Variants in CHN1 observed in about 807,000 individuals in gnomAD.
CHN1 encodes N-chimaerin.
In CHN1, 37 loss-of-function variants were observed where a neutral mutation model predicts 59.5. The observed-to-expected ratio is 0.62, with a 90% confidence interval of 0.48 to 0.82. The LOEUF (loss-of-function observed/expected upper bound fraction) is 0.82, where lower values mean the gene tolerates loss of function less well. Ranked by LOEUF, CHN1 falls within the 40% of genes least tolerant of loss-of-function variation. CHN1 has a pLI of 0.00. For missense variants in CHN1, 469 were observed against 571.0 expected, an observed-to-expected ratio of 0.82 and a Z score of 1.82; for synonymous variants, 206 against 200.4, an observed-to-expected ratio of 1.03 and a Z score of -0.24.
chr2:174,859,329 T>C (rs1204408231), intron 6 of CHN1, among the ~76,000 whole-genome samples: 2 of 152,104 alleles, frequency 1.3e-5, no homozygotes, highest in Non-Finnish European at 2.9e-5. Flanking sequence ...CCTTGACAAC[T>C]AGCAGGGAAA....
chr2:174,971,092 G>A (rs1690743192), intron 1 of CHN1, among the ~76,000 whole-genome samples: 1 of 152,202 alleles, frequency 6.6e-6, no homozygotes, highest in African/African-American at 2.4e-5. Context: ...GCTGAGGTGG[G>A]TGGATCACAA....
At chr2:174,918,782 T>C (rs1173904085) in intron 3 of CHN1, among the ~76,000 whole-genome samples, 6 of 152,242 alleles carry the variant, frequency 3.9e-5, no homozygotes, top group Non-Finnish European at 8.8e-5. Context: ...ATGCTATGTA[T>C]GTAGTTGGAC....
intron 5 of CHN1, among the ~76,000 whole-genome samples, chr2:174,909,500 C>T (rs1015531269): frequency 2.0e-5 from 3 of 152,176 alleles, no homozygotes; most frequent in Admixed American, 1.3e-4. Flanking sequence ...GGAAAGGATG[C>T]ATACTGCAAG....
chr2:174,829,007 T>C (rs565417037), intron 7 of CHN1, among the ~76,000 whole-genome samples: 1 of 152,350 alleles, frequency 6.6e-6, no homozygotes, highest in East Asian at 1.9e-4. Context: ...ATATTTTTTC[T>C]AGGCCACCTC....
chr2:174,996,984 C>T (rs945868278), intron 1 of CHN1, among the ~76,000 whole-genome samples: 2 of 152,168 alleles, frequency 1.3e-5, no homozygotes, highest in African/African-American at 4.8e-5. Context: ...TAACCCCTTA[C>T]CCCTCACTCT....
intron 7 of CHN1, among the ~76,000 whole-genome samples, chr2:174,831,066 C>T (rs1685864071): frequency 6.6e-6 from 1 of 152,086 alleles, no homozygotes; most frequent in African/African-American, 2.4e-5. Flanking sequence ...TATGATCATA[C>T]TATAACAATA....
intron 3 of CHN1, chr2:174,921,067 C>T: frequency 2.6e-6 from 1 of 391,814 alleles, no homozygotes; most frequent in Admixed American, 2.4e-5. Context: ...AGAGCTCAGG[C>T]AATAATGTGG....
chr2:174,946,013 CTG>C (rs1182765084), intron 2 of CHN1, among the ~76,000 whole-genome samples: 2 of 151,880 alleles, frequency 1.3e-5, no homozygotes, highest in Non-Finnish European at 2.9e-5. Flanking sequence ...ATACACGTAA[CTG>C]TGAGTACTTC....
rs931114444 is a variant in CHN1 at position 174,890,831 on chromosome 2, C to T, written c.261-12703G>A. Among the ~76,000 whole-genome samples the T allele has an allele frequency of 3.3e-5, 5 of 152,050 alleles. No individual in the cohort carries two copies. The South Asian group carries it at 1.0e-3, about 32-fold the overall frequency. On this transcript the variant is annotated intron_variant, in intron 5 of 12. Transcript: ENST00000409900. ...TCTCCAGGTTAGATCATGTGTTAGG[C>T]CTCAAAACAAGTCTTAAAAAATTTA...
At chr2:174,911,512 C>T (rs1212811832) in intron 5 of CHN1, among the ~76,000 whole-genome samples, 1 of 152,088 alleles carries the variant, frequency 6.6e-6, no homozygotes, top group Non-Finnish European at 1.5e-5. Flanking sequence ...ATCATTTTTC[C>T]TAAGTCAAGA....
Position 174,868,417 on chromosome 2 carries a change from T to C in CHN1, c.549+9423A>G, listed in dbSNP as rs555164518. Among the ~76,000 whole-genome samples, 58 of 152,204 alleles carry C rather than the reference T, an allele frequency of 3.8e-4. 1 individual carries two copies. The South Asian group carries it at 4.4e-3, about 11-fold the overall frequency. On this transcript the variant is annotated intron_variant, in intron 6 of 12. Coordinates refer to ENST00000409900, the MANE Select transcript of CHN1 (RefSeq NM_001822.7). ...AATAAACCATGCAGAGTTCTAAAGA[T>C]AGGTCACAAGAAGAGACTGCTGAGC...
At chr2:174,927,157 A>G (rs1409043792) in intron 3 of CHN1, among the ~76,000 whole-genome samples, 5 of 151,730 alleles carry the variant, frequency 3.3e-5, no homozygotes, top group African/African-American at 1.2e-4. Context: ...AAAGGCACAG[A>G]CTCCTGCCTC....
At chr2:174,909,031 ACT>A (rs1688618599) in intron 5 of CHN1, among the ~76,000 whole-genome samples, 1 of 152,112 alleles carries the variant, frequency 6.6e-6, no homozygotes, top group Admixed American at 6.5e-5. Flanking sequence ...ATTTTACAAA[ACT>A]CTTTGACACC....
intron 6 of CHN1, among the ~76,000 whole-genome samples, chr2:174,849,841 G>T (rs541627113): frequency 6.6e-6 from 1 of 152,146 alleles, no homozygotes; most frequent in South Asian, 2.1e-4. Flanking sequence ...CTAGTAGGTG[G>T]GGGGGCTGGG....
At chr2:174,977,558 CA>C in intron 1 of CHN1, among the ~76,000 whole-genome samples, 1 of 152,134 alleles carries the variant, frequency 6.6e-6, no homozygotes, top group Non-Finnish European at 1.5e-5. Context: ...TTGGGCAACG[CA>C]ATAAGAAAAC....
intron 5 of CHN1, among the ~76,000 whole-genome samples, chr2:174,892,890 G>C (rs946323608): frequency 1.3e-5 from 2 of 152,088 alleles, no homozygotes; most frequent in African/African-American, 4.8e-5. Context: ...TGCAGGAAAA[G>C]TATCTAACTA....
intron 3 of CHN1, among the ~76,000 whole-genome samples, chr2:174,927,749 T>C (rs2105383839): frequency 6.6e-6 from 1 of 152,302 alleles, no homozygotes; most frequent in South Asian, 2.1e-4. Context: ...AGTCATTGGG[T>C]CAGAAGTCAA....
At chr2:174,843,475 G>C (rs931389496) in intron 7 of CHN1, among the ~76,000 whole-genome samples, 1 of 151,986 alleles carries the variant, frequency 6.6e-6, no homozygotes, top group Non-Finnish European at 1.5e-5. Flanking sequence ...CTGACCTTTC[G>C]ATCTGCCCAC....
At chr2:174,824,559 C>T in intron 7 of CHN1, 41 bp from the exon 8 acceptor site, 1 of 1,321,292 alleles carries the variant, frequency 7.6e-7, no homozygotes, top group South Asian at 1.3e-5. Context: ...AAAGGGGAAA[C>T]ACACGGATGA....
Sources: gnomAD v4.1 joint callset for allele counts (sites outside exome capture counted in the v4.1 genomes callset) on GRCh38, gnomAD v4.1.1 for gene constraint, MANE v1.5 for transcripts, NCBI Gene and HGNC (gene_info 2026-07-23, HGNC 2026-07-21) for gene names.